BMP6: variants seen among roughly 807,000 people sequenced by gnomAD.
BMP6 encodes VG-1-R.
BMP6 carries 17 observed loss-of-function variants against 54.1 expected under a neutral mutation model. That is an observed-to-expected ratio of 0.31 (90% CI 0.22 to 0.47). The LOEUF is 0.47. Among genes scored for constraint, BMP6 ranks in the 20% least tolerant of loss-of-function variants. The pLI, the probability that BMP6 is intolerant of heterozygous loss-of-function variation, is 1.00. For synonymous variants in BMP6, 328 were observed against 291.2 expected (o/e 1.13, Z -1.28); for missense variants, 720 against 690.4 (o/e 1.04, Z -0.48).
At position 7,794,072 on chromosome 6, in the gene BMP6, C is replaced by T. The variant is rs180834680; in HGVS notation, c.665-51068C>T. Among the ~76,000 whole-genome samples, 151 of 152,338 alleles carry T rather than the reference C, an allele frequency of 9.9e-4. 1 individual carries two copies. The highest frequency in any genetic ancestry group is 3.6e-3 in the African/African-American group (151 of 41,564). On this transcript the variant is annotated intron_variant, in intron 1 of 6. Coordinates refer to ENST00000283147, the MANE Select transcript of BMP6 (RefSeq NM_001718.6). ...TCTGTCCATGGGTAAGGCTCGTACT[C>T]AGAGGCCTGTGGCACTGATGCTCTT...
At chr6:7,829,900 TA>T (rs1235753442) in intron 1 of BMP6, among the ~76,000 whole-genome samples, 2 of 152,202 alleles carry the variant, frequency 1.3e-5, no homozygotes, top group African/African-American at 4.8e-5. Flanking sequence ...CATTCCAGTA[TA>T]CAGTAAGATA....
At chr6:7,806,224 G>A (rs1043024295) in intron 1 of BMP6, among the ~76,000 whole-genome samples, 1 of 152,198 alleles carries the variant, frequency 6.6e-6, no homozygotes, top group African/African-American at 2.4e-5. Flanking sequence ...AGCAGATCAG[G>A]GTCTTCAAGT....
At chr6:7,804,404 G>T (rs1400841595) in intron 1 of BMP6, among the ~76,000 whole-genome samples, 1 of 150,848 alleles carries the variant, frequency 6.6e-6, no homozygotes, top group East Asian at 1.9e-4. Flanking sequence ...TCTTTCCTTT[G>T]CTTTTTTCTT....
chr6:7,747,715 T>C (rs1581231168), intron 1 of BMP6, among the ~76,000 whole-genome samples: 1 of 152,178 alleles, frequency 6.6e-6, no homozygotes, highest in South Asian at 2.1e-4. Context: ...GGTACAATAA[T>C]GGCTCACTGT....
intron 1 of BMP6, among the ~76,000 whole-genome samples, chr6:7,732,843 A>G (rs2113104926): frequency 6.6e-6 from 1 of 152,178 alleles, no homozygotes; most frequent in East Asian, 1.9e-4. Flanking sequence ...TTCACAAACC[A>G]ATCCTTCACT....
chr6:7,805,353 A>G (rs1373881005), intron 1 of BMP6, among the ~76,000 whole-genome samples: 40 of 152,210 alleles, frequency 2.6e-4, no homozygotes, highest in Admixed American at 2.6e-3. Flanking sequence ...CAGGTATGTG[A>G]AGAGATCTGT....
intron 1 of BMP6, among the ~76,000 whole-genome samples, chr6:7,811,108 G>A (rs1331405093): frequency 6.6e-6 from 1 of 152,154 alleles, no homozygotes; most frequent in Non-Finnish European, 1.5e-5. Context: ...AGTCCCACTT[G>A]GTAAATCTCA....
At chr6:7,735,191 G>T (rs372174887) in intron 1 of BMP6, among the ~76,000 whole-genome samples, 2 of 152,164 alleles carry the variant, frequency 1.3e-5, no homozygotes, top group Admixed American at 1.3e-4. Context: ...CTCTCCTGCC[G>T]CTTGCCCTTT....
chr6:7,829,379 G>T (rs1292592094), intron 1 of BMP6, among the ~76,000 whole-genome samples: 2 of 152,068 alleles, frequency 1.3e-5, no homozygotes, highest in Admixed American at 6.5e-5. Context: ...AAACCTTGAT[G>T]GTAGGGATCC....
At chr6:7,773,489 A>G (rs185580263) in intron 1 of BMP6, among the ~76,000 whole-genome samples, 2 of 152,316 alleles carry the variant, frequency 1.3e-5, no homozygotes, top group East Asian at 3.9e-4. Flanking sequence ...GATCAGAAAT[A>G]GGGGAAGGGA....
chr6:7,747,678 G>A (rs1316670238), intron 1 of BMP6, among the ~76,000 whole-genome samples: 1 of 152,158 alleles, frequency 6.6e-6, no homozygotes, highest in Non-Finnish European at 1.5e-5. Context: ...ACAAGGTCTT[G>A]CTCTGTTGCC....
chr6:7,771,569 T>TG (rs1757787664), intron 1 of BMP6, among the ~76,000 whole-genome samples: 1 of 152,126 alleles, frequency 6.6e-6, no homozygotes, highest in Non-Finnish European at 1.5e-5. Context: ...AAGTGCGTGG[T>TG]GGAGCGGACA....
At chr6:7,824,845 T>C (rs565852589) in intron 1 of BMP6, among the ~76,000 whole-genome samples, 1 of 152,346 alleles carries the variant, frequency 6.6e-6, no homozygotes, top group East Asian at 1.9e-4. Flanking sequence ...GGAATGAGTG[T>C]CAGTGTTTCC....
chr6:7,865,309 G>A (rs891644479), intron 4 of BMP6, among the ~76,000 whole-genome samples: 1 of 152,022 alleles, frequency 6.6e-6, no homozygotes, highest in East Asian at 1.9e-4. Context: ...TTCCAAATTT[G>A]CTTTGTCCCT....
At chr6:7,826,809 G>T in intron 1 of BMP6, among the ~76,000 whole-genome samples, 1 of 152,090 alleles carries the variant, frequency 6.6e-6, no homozygotes, top group East Asian at 1.9e-4. Flanking sequence ...GCACAGTCCT[G>T]TGTGTTTGCC....
At chr6:7,877,696 A>G (rs566036662) in intron 4 of BMP6, among the ~76,000 whole-genome samples, 14 of 152,346 alleles carry the variant, frequency 9.2e-5, no homozygotes, top group African/African-American at 3.4e-4. Flanking sequence ...TGGGAGTTAG[A>G]AGTTAGAAAA....
At chr6:7,792,271 CTGAT>C (rs1758120214) in intron 1 of BMP6, among the ~76,000 whole-genome samples, 1 of 152,208 alleles carries the variant, frequency 6.6e-6, no homozygotes. Context: ...TTAAAGTTAA[CTGAT>C]TGAGGATATT....
chr6:7,776,922 T>C (rs568936061), intron 1 of BMP6, among the ~76,000 whole-genome samples: 1 of 152,292 alleles, frequency 6.6e-6, no homozygotes, highest in East Asian at 1.9e-4. Flanking sequence ...AGGGTGAGAA[T>C]TGGATTCTTA....
intron 1 of BMP6, among the ~76,000 whole-genome samples, chr6:7,742,740 G>C (rs930068424): frequency 6.6e-6 from 1 of 152,170 alleles, no homozygotes; most frequent in African/African-American, 2.4e-5. Flanking sequence ...GCTTAAGTGG[G>C]CACAAGTGTG....
Sources: gnomAD v4.1 joint callset for allele counts (sites outside exome capture counted in the v4.1 genomes callset) on GRCh38, gnomAD v4.1.1 for gene constraint, MANE v1.5 for transcripts, NCBI Gene and HGNC (gene_info 2026-07-23, HGNC 2026-07-21) for gene names.